SIK3: variants seen among roughly 807,000 people sequenced by gnomAD.
SIK3 encodes SIK family kinase 3, also known as serine/threonine-protein kinase SIK3.
In SIK3, 28 loss-of-function variants were observed where a neutral mutation model predicts 144.2. That is an observed-to-expected ratio of 0.19 (90% CI 0.14 to 0.27). The LOEUF is 0.27. Ranked by LOEUF, SIK3 falls within the 10% of genes least tolerant of loss-of-function variation. SIK3 has a pLI of 1.00. For missense variants in SIK3, 1,319 were observed against 1,776.0 expected (o/e 0.74, Z 4.62); for synonymous variants, 686 against 676.3 (o/e 1.01, Z -0.22).
At chr11:117,026,095 C>G in intron 1 of SIK3, among the ~76,000 whole-genome samples, 1 of 152,148 alleles carries the variant, frequency 6.6e-6, no homozygotes, top group Non-Finnish European at 1.5e-5. Flanking sequence ...AAAGGATATA[C>G]AGTCGTGCAC....
At position 116,964,264 on chromosome 11, in the gene SIK3, G is replaced by A. The variant is rs374515879; in HGVS notation, c.274-7200C>T. Among the ~76,000 whole-genome samples the A allele has an allele frequency of 1.9e-4, 29 of 152,184 alleles. 3 individuals carry two copies. Among genetic ancestry groups the A allele is most frequent in the Admixed American group, 1.3e-3 (20 of 15,278 alleles). On this transcript the variant is annotated intron_variant, in intron 1 of 24. Coordinates refer to ENST00000445177, the MANE Select transcript of SIK3 (RefSeq NM_001366686.3). ...GATCCTCCCACCTCAGTCTCCTAAA[G>A]TGCTGGGGTTACACGCAACAGCCAC... is the stretch of plus-strand genomic sequence containing the variant.
intron 1 of SIK3, among the ~76,000 whole-genome samples, chr11:117,033,897 T>A (rs1232253657): frequency 1.3e-5 from 2 of 152,130 alleles, no homozygotes; most frequent in Non-Finnish European, 2.9e-5. Context: ...AACACATTGA[T>A]AACAGTATAT....
At chr11:117,031,582 C>T (rs1185974166) in intron 1 of SIK3, among the ~76,000 whole-genome samples, 4 of 150,674 alleles carry the variant, frequency 2.7e-5, no homozygotes, top group Non-Finnish European at 4.4e-5. Context: ...AGTGCAATGG[C>T]GCGATCTTGG....
intron 6 of SIK3, among the ~76,000 whole-genome samples, chr11:116,891,988 C>T (rs903024467): frequency 1.3e-5 from 2 of 152,168 alleles, no homozygotes; most frequent in Non-Finnish European, 2.9e-5. Context: ...TTCACTAAGG[C>T]AGCAAATACA....
At position 116,957,036 on chromosome 11, in the gene SIK3, T is replaced by C; in HGVS notation, c.302A>G (p.Gln101Arg). The change falls in exon 2 of 25, where the codon CAG (glutamine) becomes CGG (arginine). Residue 101 changes from glutamine (Q) to arginine (R), a missense_variant. By Grantham distance (43) the Gln-to-Arg change is conservative. Transcript: ENST00000445177. ...KVAIKIIDKT[Q>R]LDEENLKKIF... is the part of the protein sequence containing the mutation. ...CTTCTTCAAGTTTTCTTCATCCAGC[T>C]GGGTCTTATCTATGATCTTGATAGC... 6.2e-7 allele frequency: 1 copy of C among 1,610,270 alleles called. No individual in the cohort carries two copies. Among genetic ancestry groups the C allele is most frequent in the Non-Finnish European group, 8.5e-7 (1 of 1,178,920 alleles).
intron 1 of SIK3, among the ~76,000 whole-genome samples, chr11:117,081,760 G>A (rs960029005): frequency 3.9e-5 from 6 of 152,194 alleles, no homozygotes; most frequent in Non-Finnish European, 7.3e-5. Context: ...TATAGTTTCA[G>A]AGTTTAAACA....
intron 3 of SIK3, among the ~76,000 whole-genome samples, chr11:116,948,876 T>C (rs541168452): frequency 2.6e-5 from 4 of 151,544 alleles, no homozygotes; most frequent in East Asian, 3.9e-4. Context: ...ATAACAAATA[T>C]TATAGCAGAA....
intron 6 of SIK3, among the ~76,000 whole-genome samples, chr11:116,889,215 G>T (rs1944977129): frequency 6.6e-6 from 1 of 152,150 alleles, no homozygotes; most frequent in African/African-American, 2.4e-5. Context: ...GATAAAATAT[G>T]TGCTATTACC....
At chr11:117,058,443 C>G (rs1409018326) in intron 1 of SIK3, among the ~76,000 whole-genome samples, 1 of 151,078 alleles carries the variant, frequency 6.6e-6, no homozygotes, top group Non-Finnish European at 1.5e-5. Flanking sequence ...TCGCTTGAAC[C>G]CAGGAGGCGG....
chr11:117,013,956 T>TTTTTTTTTTTTTTG (rs1951403084), intron 1 of SIK3, among the ~76,000 whole-genome samples: 1 of 63,100 alleles, frequency 1.6e-5, no homozygotes, highest in Non-Finnish European at 3.1e-5. Flanking sequence ...GTGTGTTTTA[T>TTTTTTTTTTTTTTG]TTCTTTTTTT....
At chr11:117,013,907 G>T (rs1314153965) in intron 1 of SIK3, among the ~76,000 whole-genome samples, 10,763 of 44,764 alleles carry the variant, frequency 0.24, 2,784 homozygotes, top group African/African-American at 0.36. Flanking sequence ...TGAGGGGGGG[G>T]GGGGGAGGGT....
chr11:117,002,166 T>C (rs1950876328), intron 1 of SIK3, among the ~76,000 whole-genome samples: 1 of 152,220 alleles, frequency 6.6e-6, no homozygotes, highest in African/African-American at 2.4e-5. Flanking sequence ...AACATTGTAG[T>C]AAAATCTAGA....
At chr11:117,045,935 G>C (rs78624684) in intron 1 of SIK3, among the ~76,000 whole-genome samples, 1 of 152,188 alleles carries the variant, frequency 6.6e-6, no homozygotes, top group Admixed American at 6.5e-5. Context: ...GTTCAAATGC[G>C]TTAAATGATT....
At chr11:116,965,461 T>C (rs1006646225) in intron 1 of SIK3, among the ~76,000 whole-genome samples, 3 of 151,944 alleles carry the variant, frequency 2.0e-5, no homozygotes, top group African/African-American at 7.3e-5. Context: ...AATATAGATA[T>C]TCAATTTTCT....
intron 1 of SIK3, among the ~76,000 whole-genome samples, chr11:117,043,801 G>C (rs945268806): frequency 6.6e-6 from 1 of 152,128 alleles, no homozygotes; most frequent in Non-Finnish European, 1.5e-5. Context: ...GTTACTTTCT[G>C]TCAGCCATCT....
intron 1 of SIK3, among the ~76,000 whole-genome samples, chr11:116,974,185 A>AT (rs1949868046): frequency 6.6e-6 from 1 of 152,330 alleles, no homozygotes; most frequent in South Asian, 2.1e-4. Flanking sequence ...TGCAAACATC[A>AT]TAATGGAATG....
chr11:116,900,298 C>T (rs1407024662), intron 4 of SIK3, among the ~76,000 whole-genome samples: 1 of 152,160 alleles, frequency 6.6e-6, no homozygotes, highest in Non-Finnish European at 1.5e-5. Flanking sequence ...ACTCTTACTG[C>T]TTCAACTCCA....
At chr11:116,953,651 G>A (rs1187910955) in intron 3 of SIK3, among the ~76,000 whole-genome samples, 1 of 152,224 alleles carries the variant, frequency 6.6e-6, no homozygotes, top group East Asian at 1.9e-4. Flanking sequence ...ACTCGGGTGA[G>A]ATTATGTGCT....
chr11:117,024,691 G>C (rs1591559446), intron 1 of SIK3, among the ~76,000 whole-genome samples: 1 of 152,126 alleles, frequency 6.6e-6, no homozygotes, highest in East Asian at 1.9e-4. Context: ...CTTGAGCTCA[G>C]GAGTTCAAGA....
Sources: allele counts gnomAD v4.1 joint callset (sites outside exome capture counted in the v4.1 genomes callset), GRCh38; gene constraint gnomAD v4.1.1; transcripts MANE v1.5; gene names NCBI Gene and HGNC (gene_info 2026-07-23, HGNC 2026-07-21).